FOXP1: variants seen among roughly 807,000 people sequenced by gnomAD.
FOXP1 encodes forkhead box P1.
FOXP1 carries 15 observed loss-of-function variants against 98.2 expected under a neutral mutation model. That is an observed-to-expected ratio of 0.15 (90% confidence interval 0.10 to 0.24). The LOEUF (loss-of-function observed/expected upper bound fraction) is 0.24, where lower values mean the gene tolerates loss of function less well. FOXP1 is among the 10% of genes least tolerant of loss of function. The pLI, the probability that FOXP1 is intolerant of heterozygous loss-of-function variation, is 1.00. For missense variants in FOXP1, 633 were observed against 848.5 expected, an observed-to-expected ratio of 0.75 and a Z score of 3.15; for synonymous variants, 371 against 314.5, an observed-to-expected ratio of 1.18 and a Z score of -1.90.
chr3:71,193,287 G>A (rs1178528551), intron 6 of FOXP1, among the ~76,000 whole-genome samples: 7 of 119,348 alleles, frequency 5.9e-5, no homozygotes, highest in Non-Finnish European at 8.3e-5. Flanking sequence ...AGCTGGGACT[G>A]CAGGCGCCCA....
chr3:71,018,485 AC>A (rs1296470808), intron 11 of FOXP1, among the ~76,000 whole-genome samples: 2 of 152,080 alleles, frequency 1.3e-5, no homozygotes, highest in African/African-American at 2.4e-5. Flanking sequence ...AAGGAAGTGC[AC>A]CCCCACACCC....
chr3:70,977,641 A>C lies in FOXP1; in HGVS notation c.1428+2T>G. 1 of 1,608,354 alleles carries C rather than the reference A, an allele frequency of 6.2e-7. No individual in the cohort carries two copies. Among genetic ancestry groups the C allele is most frequent in the Non-Finnish European group, 8.5e-7 (1 of 1,175,012 alleles). ...ATTTCATATACTGTGTTATTTACTT[A>C]CCTGCCTAATTAAAGATGCATATGT... On this transcript the variant is annotated splice_donor_variant, in intron 16 of 20. Coordinates refer to ENST00000649528, the MANE Select transcript of FOXP1 (RefSeq NM_001349338.3). LOFTEE classifies it high-confidence loss of function.
At chr3:71,379,011 ACTT>A (rs1197117782) in intron 3 of FOXP1, among the ~76,000 whole-genome samples, 3 of 151,978 alleles carry the variant, frequency 2.0e-5, no homozygotes, top group African/African-American at 4.8e-5. Flanking sequence ...TGGTCTCAGA[ACTT>A]CTTCTTTTCC....
At position 71,537,288 on chromosome 3, in the gene FOXP1, G is replaced by T. The variant is rs571982647; in HGVS notation, c.-297-43733C>A. 6.4e-4 allele frequency among the ~76,000 whole-genome samples: 98 copies of T among 152,342 alleles called. 3 individuals carry two copies. Among genetic ancestry groups the T allele is most frequent in the Admixed American group, 6.3e-3 (97 of 15,310 alleles). ...CTGGATTTAGGGTCAAAAGGTGGCC[G>T]AGGCATTGCCTTCCCAGAAGGAGTG... On this transcript the variant is annotated intron_variant, in intron 2 of 20. Transcript: ENST00000649528.
chr3:71,578,018 T>A (rs1435691157), intron 2 of FOXP1, among the ~76,000 whole-genome samples: 1 of 151,366 alleles, frequency 6.6e-6, no homozygotes, highest in East Asian at 1.9e-4. Context: ...CTGAAATCTA[T>A]AAAAGAAGTG....
chr3:71,010,834 TCCCCCC>T (rs932229295), intron 12 of FOXP1, among the ~76,000 whole-genome samples: 1 of 72,096 alleles, frequency 1.4e-5, no homozygotes, highest in African/African-American at 5.1e-5. Flanking sequence ...TAACCCCCCC[TCCCCCC>T]CCACCCAGTG....
At chr3:71,045,336 T>C (rs945815887) in intron 10 of FOXP1, among the ~76,000 whole-genome samples, 1 of 152,200 alleles carries the variant, frequency 6.6e-6, no homozygotes, top group Admixed American at 6.5e-5. Flanking sequence ...CATGAGCTTG[T>C]CTTGTCACTG....
chr3:71,301,388 C>A (rs2073832422), intron 4 of FOXP1, among the ~76,000 whole-genome samples: 1 of 152,098 alleles, frequency 6.6e-6, no homozygotes, highest in East Asian at 1.9e-4. Context: ...CTAAGATCTG[C>A]AGAGCCCCAC....
At chr3:71,315,537 G>C (rs1431346229) in intron 4 of FOXP1, among the ~76,000 whole-genome samples, 1 of 152,124 alleles carries the variant, frequency 6.6e-6, no homozygotes, top group Non-Finnish European at 1.5e-5. Flanking sequence ...GGCATGGATG[G>C]GGAAAATCTT....
chr3:71,381,121 T>C (rs1029615249), intron 3 of FOXP1, among the ~76,000 whole-genome samples: 2 of 152,076 alleles, frequency 1.3e-5, no homozygotes, highest in Non-Finnish European at 2.9e-5. Context: ...TTATCTGCTA[T>C]TGACTCAGAA....
At chr3:71,512,756 T>C (rs1464994507) in intron 2 of FOXP1, among the ~76,000 whole-genome samples, 4 of 152,138 alleles carry the variant, frequency 2.6e-5, no homozygotes, top group Non-Finnish European at 4.4e-5. Flanking sequence ...TTCCATTCTG[T>C]CCCACATCCT....
chr3:71,554,966 C>G (rs567900854), intron 2 of FOXP1, among the ~76,000 whole-genome samples: 1 of 152,194 alleles, frequency 6.6e-6, no homozygotes, highest in East Asian at 1.9e-4. Flanking sequence ...TGTTTATGGT[C>G]AACTTCCTTG....
intron 3 of FOXP1, among the ~76,000 whole-genome samples, chr3:71,373,915 T>C (rs979645480): frequency 6.6e-6 from 1 of 152,200 alleles, no homozygotes; most frequent in Non-Finnish European, 1.5e-5. Flanking sequence ...CTGAATCTTT[T>C]CAAATAAAGT....
intron 13 of FOXP1, among the ~76,000 whole-genome samples, chr3:70,999,101 T>C (rs926078416): frequency 2.6e-5 from 4 of 152,194 alleles, no homozygotes; most frequent in Admixed American, 6.5e-5. Flanking sequence ...TCTTTCTCTT[T>C]TTTTTTGAGA....
chr3:71,083,592 C>A (rs1194573103), intron 7 of FOXP1, among the ~76,000 whole-genome samples: 1 of 152,190 alleles, frequency 6.6e-6, no homozygotes, highest in African/African-American at 2.4e-5. Context: ...TACTCTCTTT[C>A]TGAGGGGTTG....
chr3:71,018,260 T>C (rs2044813065), intron 11 of FOXP1, among the ~76,000 whole-genome samples: 1 of 152,202 alleles, frequency 6.6e-6, no homozygotes, highest in Admixed American at 6.5e-5. Flanking sequence ...GTTATCCCTA[T>C]ACTTCAAAGG....
chr3:71,580,492 A>C (rs2048080841), intron 2 of FOXP1, among the ~76,000 whole-genome samples: 2 of 152,156 alleles, frequency 1.3e-5, no homozygotes, highest in African/African-American at 4.8e-5. Context: ...GAGAATCAAA[A>C]CTCCAGTGGA....
rs544916383 is a variant in FOXP1 at position 70,979,279 on chromosome 3, CAAAAAAAAAAAAAAAAAAAAAAA to C, written c.1147-1273_1147-1251del. ...TGGGTGATAGAGTGAGACTCTACCT[CAAAAAAAAAAAAAAAAAAAAAAA>C]AAAAAAAAAAAAAAAAAAGAAAAAA... On this transcript the variant is annotated intron_variant, in intron 14 of 20. Transcript: ENST00000649528. 3.1e-4 allele frequency among the ~76,000 whole-genome samples: 13 copies of C among 42,550 alleles called. 2 individuals are homozygous for C. The highest frequency in any genetic ancestry group is 4.5e-4 in the Non-Finnish European group (12 of 26,840). 27.9% of individuals were successfully genotyped at this position (42,550 alleles called of 152,430 possible).
At chr3:71,435,276 A>G (rs58698938) in intron 3 of FOXP1, among the ~76,000 whole-genome samples, 13 of 306 alleles carry the variant, frequency 0.042, no homozygotes, top group Admixed American at 0.071. Context: ...GGGAGGGAAG[A>G]AGGGAGGGAG....
Sources: gnomAD v4.1 joint callset for allele counts (sites outside exome capture counted in the v4.1 genomes callset) on GRCh38, gnomAD v4.1.1 for gene constraint, MANE v1.5 for transcripts, NCBI Gene and HGNC (gene_info 2026-07-23, HGNC 2026-07-21) for gene names.